RHCG: variants seen among roughly 807,000 people sequenced by gnomAD.
RHCG encodes the protein ammonium transporter Rh type C.
Under a neutral mutation model 55.3 loss-of-function variants are expected in RHCG, and 39 were observed. The observed-to-expected ratio is 0.70, with a 90% CI of 0.55 to 0.92. The LOEUF is 0.92. Among genes scored for constraint, RHCG ranks in the 40% least tolerant of loss-of-function variants. The pLI, the probability that RHCG is intolerant of heterozygous loss-of-function variation, is 0.00. For missense variants in RHCG, 635 were observed against 627.9 expected, an observed-to-expected ratio of 1.01 and a Z score of -0.12; for synonymous variants, 250 against 246.8, an observed-to-expected ratio of 1.01 and a Z score of -0.12.
At chr15:89,479,652 C>T in intron 4 of RHCG, 164 bp from the exon 5 acceptor site, 2 of 642,020 alleles carry the variant, frequency 3.1e-6, no homozygotes, top group African/African-American at 1.8e-5. Context: ...GGAAGGCCCT[C>T]CCTGCCTTCC....
At chr15:89,486,599 A>AGAGTGAGT in intron 2 of RHCG, 200 bp downstream of exon 2, 16 of 264,482 alleles carry the variant, frequency 6.0e-5, no homozygotes, top group Admixed American at 4.8e-4. Context: ...AGAGAGAGAG[A>AGAGTGAGT]GTGTGTGTGT....
Position 89,480,400 on chromosome 15 carries a change from A to G in RHCG, c.531T>C (p.Asp177=). ...TGTGGATGGTCATGGAGCCTCCTGC[A>G]TCCTTCACCTGGGGTGCAAGGGGCC... is the stretch of plus-strand genomic sequence containing the variant. The part of the protein sequence containing the change: ...FILLNLLKVK[D]AGGSMTIHTF... Residue 177 remains aspartate (D), a synonymous_variant, in exon 4 of 11, where the codon GAT becomes GAC. Transcript: ENST00000268122. The G allele has an allele frequency of 1.2e-6, 2 of 1,613,314 alleles. No homozygotes were observed. Among genetic ancestry groups the G allele is most frequent in the Non-Finnish European group, 1.7e-6 (2 of 1,179,420 alleles).
chr15:89,489,382 C>T (rs552145049), intron 1 of RHCG, among the ~76,000 whole-genome samples: 1 of 152,228 alleles, frequency 6.6e-6, no homozygotes, highest in Non-Finnish European at 1.5e-5. Flanking sequence ...TCTTGGGCTC[C>T]CAGAGTGCTG....
At position 89,496,396 on chromosome 15, in the gene RHCG, C is replaced by A. The variant is rs775479671; in HGVS notation, c.149G>T (p.Ser50Ile). Residue 50 changes from serine (S) to isoleucine (I), a missense_variant, in exon 1 of 11, where the codon AGC (serine) becomes ATC (isoleucine). Coordinates refer to ENST00000268122, the MANE Select transcript of RHCG (RefSeq NM_016321.3). ...ATAGTAGAATTCGTTCTCCATGTCGCTCAAGTTCTTGTGCGTCCTCTCTGA... is the reference window on the plus strand; with the variant it reads ...ATAGTAGAATTCGTTCTCCATGTCGATCAAGTTCTTGTGCGTCCTCTCTGA... Reference protein sequence around the residue: ...WWSERTHKNLSDMENEFYYRY... With the variant: ...WWSERTHKNLIDMENEFYYRY... 2 of 1,614,046 alleles carry A rather than the reference C, an allele frequency of 1.2e-6. No individual in the cohort carries two copies. The highest frequency in any genetic ancestry group is 8.5e-7 in the Non-Finnish European group (1 of 1,179,964).
At chr15:89,495,810 G>T (rs1044036597) in intron 1 of RHCG, among the ~76,000 whole-genome samples, 2 of 152,244 alleles carry the variant, frequency 1.3e-5, no homozygotes, top group African/African-American at 2.4e-5. Flanking sequence ...CAAGAGCCAC[G>T]AGAGCATGAG....
chr15:89,481,944 G>T (rs543185759), intron 3 of RHCG, among the ~76,000 whole-genome samples: 1 of 152,150 alleles, frequency 6.6e-6, no homozygotes, highest in East Asian at 1.9e-4. Flanking sequence ...TGGGATTACA[G>T]GCATGCGCCA....
chr15:89,483,414 A>G (rs756045374), intron 2 of RHCG, among the ~76,000 whole-genome samples, 197 bp from the exon 3 acceptor site: 1 of 152,152 alleles, frequency 6.6e-6, no homozygotes, highest in Non-Finnish European at 1.5e-5. Flanking sequence ...CAGGACTAGT[A>G]CAGCAGCACA....
At position 89,476,987 on chromosome 15, in the gene RHCG, G is replaced by A. The variant is rs982397006; in HGVS notation, c.1237+95C>T. 6.3e-6 allele frequency: 10 copies of A among 1,577,678 alleles called. No homozygotes were observed. In the Admixed American group the frequency reaches 1.5e-4, roughly 24 times the overall value. On this transcript the variant is annotated intron_variant, in intron 8 of 10. Coordinates refer to ENST00000268122, the MANE Select transcript of RHCG (RefSeq NM_016321.3). ...AGTGCAGAGATCAGGGATTCCTGGGGGCTCAGGCTGACCTGTGCCGCATGC... is the reference window on the plus strand; with the variant it reads ...AGTGCAGAGATCAGGGATTCCTGGGAGCTCAGGCTGACCTGTGCCGCATGC...
At chr15:89,476,058 C>G (rs1479820650) in intron 9 of RHCG, among the ~76,000 whole-genome samples, 2 of 151,704 alleles carry the variant, frequency 1.3e-5, no homozygotes, top group African/African-American at 4.8e-5. Context: ...CCTCCCCTCC[C>G]CTCCGCTTCT....
Position 89,477,253 on chromosome 15 carries a change from G to A in RHCG, c.1113-47C>T. The A allele has an allele frequency of 6.2e-7, 1 of 1,606,156 alleles. No individual in the cohort carries two copies. Among genetic ancestry groups the A allele is most frequent in the South Asian group, 1.1e-5 (1 of 90,724 alleles). On this transcript the variant is annotated intron_variant, in intron 7 of 10. Coordinates refer to ENST00000268122, the MANE Select transcript of RHCG (RefSeq NM_016321.3). The surrounding 1 kb of genome is among the most constrained non-coding windows in gnomAD (Gnocchi z 4.5). ...GGTCAGGGCCCCATGGAGAGGCCAA[G>A]TAACAGCTTGCTGCCACCCCAAAAA...
chr15:89,474,014 T>G (rs1296398687), intron 9 of RHCG, among the ~76,000 whole-genome samples: 1 of 152,186 alleles, frequency 6.6e-6, no homozygotes, highest in Non-Finnish European at 1.5e-5. Flanking sequence ...AAATATAGAA[T>G]AGAAATAATT....
chr15:89,483,364 AT>A, intron 2 of RHCG, 147 bp from the exon 3 acceptor site: 1 of 667,652 alleles, frequency 1.5e-6, no homozygotes, highest in Non-Finnish European at 2.4e-6. Flanking sequence ...GGCACCTAAC[AT>A]TTAGAGCTAC....
At chr15:89,486,506 G>A (rs1342100771) in intron 2 of RHCG, 3 of 495,018 alleles carry the variant, frequency 6.1e-6, no homozygotes, top group Non-Finnish European at 1.2e-5. Flanking sequence ...ATGACACTTG[G>A]ACGACTCCCA....
rs753291656 is a variant in RHCG at position 89,477,811 on chromosome 15, C to T, written c.975+26G>A. On this transcript the variant is annotated intron_variant, in intron 6 of 10. Transcript: ENST00000268122. This position sits in a 1 kb window ranked among gnomAD's most constrained non-coding sequence, Gnocchi z 4.5. ...ACAAAGACCTCAGCATTCTCTAGCC[C>T]CCAGCCCCTTGCCTGGGGCACTTAC... 6.2e-7 allele frequency: 1 copy of T among 1,613,738 alleles called. No individual in the cohort carries two copies. The highest frequency in any genetic ancestry group is 8.5e-7 in the Non-Finnish European group (1 of 1,179,842).
intron 2 of RHCG, 70 bp from the exon 3 acceptor site, chr15:89,483,287 G>C (rs1961302503): frequency 7.2e-7 from 1 of 1,389,020 alleles, no homozygotes; most frequent in Middle Eastern, 2.5e-4. Context: ...CCTGGACTTT[G>C]GTCATATATG....
At chr15:89,487,063 G>A (rs1046198904) in intron 1 of RHCG, 78 bp from the exon 2 acceptor site, 4 of 1,343,408 alleles carry the variant, frequency 3.0e-6, no homozygotes, top group Non-Finnish European at 4.0e-6. Context: ...CAGGAAGGCC[G>A]GGGTAGCCCC....
chr15:89,474,455 G>T (rs1014069262), intron 9 of RHCG, among the ~76,000 whole-genome samples: 10 of 152,178 alleles, frequency 6.6e-5, no homozygotes, highest in Non-Finnish European at 1.3e-4. Flanking sequence ...GACACAGGCG[G>T]GTCCTCACCC....
In RHCG at chr15:89,480,317, T is replaced by C. The variant is rs1396978041; in HGVS notation, c.614A>G (p.Glu205Gly). Reference protein sequence around the residue: ...VTRILYRRNLEQSKERQNSVY... With the variant: ...VTRILYRRNLGQSKERQNSVY... ...AGAATTCTGTCTCTCCTTGCTCTGC[T>C]CTAGGTTGCGTCGGTAGAGGATCCG... Residue 205 changes from glutamate to glycine, a missense_variant, in exon 4 of 11, where the codon GAG becomes GGG. Physicochemically the swap from Glu to Gly is moderately conservative, Grantham distance 98. Coordinates refer to ENST00000268122, the MANE Select transcript of RHCG (RefSeq NM_016321.3). 1 of 1,614,170 alleles carries C rather than the reference T, an allele frequency of 6.2e-7. No homozygotes were observed. The highest frequency in any genetic ancestry group is 1.3e-5 in the African/African-American group (1 of 75,034).
chr15:89,479,473 C>T lies in RHCG; in HGVS notation c.686G>A (p.Trp229Ter). The change falls in exon 5 of 11, where the codon TGG becomes TAG. Residue 229 changes from tryptophan (W) to a stop codon, truncating the protein, a stop_gained. Transcript: ENST00000268122. LOFTEE classifies it high-confidence loss of function. ...TGAGTTGAAGCTGGGCCAGTACATC[C>T]ACAGGAAGAGGGTGCCTGGTCAGAC... is the stretch of plus-strand genomic sequence containing the variant. ...LFAMIGTLFLWMYWPSFNSAI... is the reference protein window; with the variant it reads ...LFAMIGTLFL 6.2e-7 allele frequency: 1 copy of T among 1,612,828 alleles called. No individual in the cohort carries two copies. Among genetic ancestry groups the T allele is most frequent in the Non-Finnish European group, 8.5e-7 (1 of 1,179,458 alleles).
Sources: allele counts gnomAD v4.1 joint callset (sites outside exome capture counted in the v4.1 genomes callset), GRCh38; gene constraint gnomAD v4.1.1; non-coding constraint Gnocchi (gnomAD v3.1); transcripts MANE v1.5; gene names NCBI Gene and HGNC (gene_info 2026-07-23, HGNC 2026-07-21).